ZSWIM4: variants seen among roughly 807,000 people sequenced by gnomAD.
The protein encoded by ZSWIM4 is zinc finger SWIM domain-containing protein 4.
ZSWIM4 carries 62 observed loss-of-function variants against 102.5 expected under a neutral mutation model. That is an observed-to-expected ratio of 0.60 (90% CI 0.49 to 0.75). The LOEUF (loss-of-function observed/expected upper bound fraction) is 0.75, where lower values mean the gene tolerates loss of function less well. Among genes scored for constraint, ZSWIM4 ranks in the 30% least tolerant of loss-of-function variants. ZSWIM4 has a pLI of 0.00. For missense variants in ZSWIM4, 1,280 were observed against 1,529.6 expected, an observed-to-expected ratio of 0.84 and a Z score of 2.72; for synonymous variants, 652 against 674.5, an observed-to-expected ratio of 0.97 and a Z score of 0.52.
chr19:13,805,495 A>G lies in ZSWIM4; in HGVS notation c.712+347A>G, dbSNP rs184108218. 2.5e-3 allele frequency among the ~76,000 whole-genome samples: 382 copies of G among 150,618 alleles called. 1 individual carries two copies. The highest frequency in any genetic ancestry group is 3.7e-3 in the South Asian group (17 of 4,610). On this transcript the variant is annotated intron_variant, in intron 3 of 13. Coordinates refer to ENST00000590508, the MANE Select transcript of ZSWIM4 (RefSeq NM_001367834.3). The stretch of plus-strand genomic sequence containing the variant: ...GAGGAGAAGAGGGGGCGTGAAGGGA[A>G]TGTGGGACGTTTGTGGGTGTCAGAG...
chr19:13,813,267 G>A, intron 6 of ZSWIM4, 103 bp downstream of exon 6: 3 of 929,272 alleles, frequency 3.2e-6, no homozygotes, highest in Non-Finnish European at 4.8e-6. Flanking sequence ...AGGGAGTGGG[G>A]CAGAGCAAAG....
chr19:13,814,406 G>A (rs1975203031), intron 6 of ZSWIM4, 109 bp from the exon 7 acceptor site: 1 of 455,486 alleles, frequency 2.2e-6, no homozygotes, highest in South Asian at 3.8e-5. Context: ...TATGCCCATA[G>A]CTTTGCCCAG....
Position 13,830,897 on chromosome 19 carries a change from T to C in ZSWIM4, c.3168T>C (p.Tyr1056=). Residue 1056 remains tyrosine (Y), a synonymous_variant, in exon 14 of 14, where the codon TAT becomes TAC. Coordinates refer to ENST00000590508, the MANE Select transcript of ZSWIM4 (RefSeq NM_001367834.3). The part of the protein sequence containing the change: ...SRLTHISPRH[Y]GDFIEFLGKA... Reference sequence around the variant, plus strand: ...TCACGCACATCAGCCCGCGGCACTATGGGGATTTCATCGAATTCCTGGGCA... The same window carrying C: ...TCACGCACATCAGCCCGCGGCACTACGGGGATTTCATCGAATTCCTGGGCA... 1 of 1,614,200 alleles carries C rather than the reference T, an allele frequency of 6.2e-7. No individual in the cohort carries two copies. The highest frequency in any genetic ancestry group is 1.3e-5 in the African/African-American group (1 of 75,066).
chr19:13,825,465 G>T lies in ZSWIM4; in HGVS notation c.2216-85G>T. On this transcript the variant is annotated intron_variant, in intron 11 of 13. Transcript: ENST00000590508. The surrounding 1 kb of genome is among the most constrained non-coding windows in gnomAD (Gnocchi z 4.6). ...CTCACACATGTGCCCCTGGGTGGAA[G>T]GATCTGTGTGAACAGGTCGGGTGGT... 6.7e-7 allele frequency: 1 copy of T among 1,496,458 alleles called. No homozygotes were observed. Among genetic ancestry groups the T allele is most frequent in the South Asian group, 1.2e-5 (1 of 80,332 alleles). The allele number at this position is 1,496,458 out of a possible 1,614,324, so 92.7% of individuals were successfully genotyped here. A position where few individuals can be genotyped will look rare whatever the true frequency, so the allele number is the denominator to read the frequency against.
intron 1 of ZSWIM4, 69 bp downstream of exon 1, chr19:13,795,870 C>A: frequency 9.8e-7 from 1 of 1,020,516 alleles, no homozygotes; most frequent in Non-Finnish European, 1.2e-6. Flanking sequence ...TCTTCTCCTC[C>A]CCCACAATCC....
chr19:13,799,659 C>T (rs952190207), intron 1 of ZSWIM4, 61 bp from the exon 2 acceptor site: 8 of 1,543,320 alleles, frequency 5.2e-6, no homozygotes, highest in Non-Finnish European at 7.2e-6. Flanking sequence ...CCCTCCTAAG[C>T]TTCCCAAAGC....
Position 13,813,038 on chromosome 19 carries a change from C to G in ZSWIM4, c.1054C>G (p.Pro352Ala). ...CGTCGTCCTGAGCCCCCACTGCAAA[C>G]CAGAGGAAAGGGCAGGCTGGCTCCA... is the stretch of plus-strand genomic sequence containing the variant. ...VCVVLSPHCK[P>A]EERAGWLQLL... Residue 352 changes from proline to alanine, a missense_variant, in exon 6 of 14, where the codon CCA (proline) becomes GCA (alanine). Pro to Ala is a conservative substitution (Grantham distance 27). Transcript: ENST00000590508. 1 of 1,613,820 alleles carries G rather than the reference C, an allele frequency of 6.2e-7. No individual in the cohort carries two copies. Among genetic ancestry groups the G allele is most frequent in the Non-Finnish European group, 8.5e-7 (1 of 1,179,916 alleles).
chr19:13,817,308 C>A lies in ZSWIM4; in HGVS notation c.1624C>A (p.Leu542Met). 1 of 1,614,072 alleles carries A rather than the reference C, an allele frequency of 6.2e-7. No homozygotes were observed. Among genetic ancestry groups the A allele is most frequent in the South Asian group, 1.1e-5 (1 of 91,080 alleles). Residue 542 changes from leucine (L) to methionine (M), a missense_variant, in exon 8 of 14, where the codon CTG becomes ATG. By Grantham distance (15) the Leu-to-Met change is conservative (BLOSUM62 2). Transcript: ENST00000590508. ...DPIGCLCRAL[L>M]EACRLEEETL... ...CATTGGCTGCCTCTGCAGGGCGCTCCTGGAGGCCTGTCGTCTGGAGGAGGA... is the reference window on the plus strand; with the variant it reads ...CATTGGCTGCCTCTGCAGGGCGCTCATGGAGGCCTGTCGTCTGGAGGAGGA...
At chr19:13,812,442 C>T (rs976813779) in intron 5 of ZSWIM4, among the ~76,000 whole-genome samples, 1 of 148,126 alleles carries the variant, frequency 6.8e-6, no homozygotes, top group South Asian at 2.1e-4. Flanking sequence ...TACAGAGGCC[C>T]GGGATGTAAT....
chr19:13,809,016 A>C lies in ZSWIM4; in HGVS notation c.861+32A>C, dbSNP rs771758618. The C allele has an allele frequency of 2.4e-5, 38 of 1,607,912 alleles. No homozygotes were observed. The highest frequency in any genetic ancestry group is 3.2e-5 in the Non-Finnish European group (38 of 1,175,766). On this transcript the variant is annotated intron_variant, in intron 4 of 13. Coordinates refer to ENST00000590508, the MANE Select transcript of ZSWIM4 (RefSeq NM_001367834.3). The surrounding 1 kb of genome is among the most constrained non-coding windows in gnomAD (Gnocchi z 4.2). ...TGCGGGCCGGCGGGGCGCGGGGTGC[A>C]GAAGGCCCCGGCGGACGCCCCAGCC... is the stretch of plus-strand genomic sequence containing the variant.
chr19:13,819,731 C>T (rs902129572), intron 10 of ZSWIM4, among the ~76,000 whole-genome samples: 3 of 152,002 alleles, frequency 2.0e-5, no homozygotes, highest in Non-Finnish European at 2.9e-5. Context: ...TGCAGTGGCG[C>T]GATCTCAGCT....
rs138164056 is a variant in ZSWIM4 at position 13,813,052 on chromosome 19, A to T, written c.1068A>T (p.Ala356=). The T allele has an allele frequency of 3.1e-6, 5 of 1,613,856 alleles. No homozygotes were observed. The highest frequency in any genetic ancestry group is 4.2e-6 in the Non-Finnish European group (5 of 1,179,982). ...CCCACTGCAAACCAGAGGAAAGGGC[A>T]GGCTGGCTCCAGCTACTCAGCAGGT... ...LSPHCKPEER[A]GWLQLLSRWD... is the part of the protein sequence containing the mutation. The change falls in exon 6 of 14, where the codon GCA becomes GCT. Residue 356 remains alanine (A), a synonymous_variant. Transcript: ENST00000590508.
intron 1 of ZSWIM4, among the ~76,000 whole-genome samples, chr19:13,799,294 G>C (rs768729757): frequency 6.0e-5 from 8 of 132,938 alleles, no homozygotes; most frequent in Non-Finnish European, 1.6e-5. Context: ...TTTTTTTCGA[G>C]ATGCAGTCTT....
chr19:13,801,427 T>C (rs1186364095), intron 2 of ZSWIM4, among the ~76,000 whole-genome samples: 1 of 152,106 alleles, frequency 6.6e-6, no homozygotes. Flanking sequence ...GCTCCAGACC[T>C]CGGGCTGAGG....
Position 13,828,673 on chromosome 19 carries a change from C to T in ZSWIM4, c.2408C>T (p.Thr803Ile), listed in dbSNP as rs1975675917. 3 of 1,614,020 alleles carry T rather than the reference C, an allele frequency of 1.9e-6. No homozygotes were observed. The highest frequency in any genetic ancestry group is 1.7e-6 in the Non-Finnish European group (2 of 1,180,022). Residue 803 changes from threonine (T) to isoleucine (I), a missense_variant, in exon 13 of 14, where the codon ACC (threonine) becomes ATC (isoleucine). Coordinates refer to ENST00000590508, the MANE Select transcript of ZSWIM4 (RefSeq NM_001367834.3). ...QVMRMTLNVM[T>I]WRRREMVRWL... Reference sequence around the variant, plus strand: ...ATGCGGATGACTCTGAACGTAATGACCTGGCGGCGGAGGGAGATGGTGCGC... The same window carrying T: ...ATGCGGATGACTCTGAACGTAATGATCTGGCGGCGGAGGGAGATGGTGCGC...
Position 13,799,819 on chromosome 19 carries a change from C to T in ZSWIM4, c.253C>T (p.Leu85=). Residue 85 remains leucine (L), a synonymous_variant, in exon 2 of 14, where the codon CTG becomes TTG. Transcript: ENST00000590508. ...SEREICMYSS[L]GYPPPEGEHD... ...ACGGGAAATATGTATGTACTCGTCG[C>T]TGGGTTACCCGCCCCCAGAGGGCGA... is the stretch of plus-strand genomic sequence containing the variant. 6.2e-7 allele frequency: 1 copy of T among 1,614,040 alleles called. No homozygotes were observed. The highest frequency in any genetic ancestry group is 8.5e-7 in the Non-Finnish European group (1 of 1,180,028).
chr19:13,817,091 A>C, intron 7 of ZSWIM4, 125 bp from the exon 8 acceptor site: 1 of 1,357,086 alleles, frequency 7.4e-7, no homozygotes. Context: ...GAAGGTGACC[A>C]TTGGGTGAGC....
chr19:13,830,320 G>A lies in ZSWIM4; in HGVS notation c.2591G>A (p.Arg864Gln), dbSNP rs745837533. The A allele has an allele frequency of 1.6e-5, 26 of 1,613,434 alleles. No individual in the cohort carries two copies. The highest frequency in any genetic ancestry group is 2.2e-5 in the East Asian group (1 of 44,888). The change falls in exon 14 of 14, where the codon CGG becomes CAG. Residue 864 changes from arginine to glutamine, a missense_variant. Coordinates refer to ENST00000590508, the MANE Select transcript of ZSWIM4 (RefSeq NM_001367834.3). Reference protein sequence around the residue: ...TLLRLQLDTSRREELWACART... With the variant: ...TLLRLQLDTSQREELWACART... ...CTGCGACTGCAGCTGGACACATCGC[G>A]GAGGGAGGAGCTCTGGGCCTGCGCC...
intron 12 of ZSWIM4, among the ~76,000 whole-genome samples, chr19:13,828,097 C>T (rs1185615353): frequency 1.3e-5 from 2 of 152,146 alleles, no homozygotes; most frequent in South Asian, 2.1e-4. Context: ...GCTTCACCTA[C>T]GCAATTTTGT....
Sources: gnomAD v4.1 joint callset for allele counts (sites outside exome capture counted in the v4.1 genomes callset) on GRCh38, gnomAD v4.1.1 for gene constraint, Gnocchi (gnomAD v3.1) non-coding constraint, MANE v1.5 for transcripts, NCBI Gene and HGNC (gene_info 2026-07-23, HGNC 2026-07-21) for gene names.